GABRB2: variants seen among roughly 807,000 people sequenced by gnomAD.
GABRB2 encodes gamma-aminobutyric acid type A receptor subunit beta2.
GABRB2 carries 16 observed loss-of-function variants against 54.7 expected under a neutral mutation model. The observed-to-expected ratio is 0.29, with a 90% CI of 0.20 to 0.44. The LOEUF (loss-of-function observed/expected upper bound fraction) is 0.44, where lower values mean the gene tolerates loss of function less well. Among genes scored for constraint, GABRB2 ranks in the 20% least tolerant of loss-of-function variants. The pLI, the probability that GABRB2 is intolerant of heterozygous loss-of-function variation, is 1.00. For synonymous variants in GABRB2, 244 were observed against 233.8 expected (o/e 1.04, Z -0.40); for missense variants, 355 against 644.0 (o/e 0.55, Z 4.86).
At chr5:161,485,675 C>G (rs78442639) in intron 3 of GABRB2, among the ~76,000 whole-genome samples, 4,785 of 151,942 alleles carry the variant, frequency 0.031, 215 homozygotes, top group African/African-American at 0.098. Context: ...ACTGACCTAC[C>G]CCTTCTAAGG....
chr5:161,298,408 G>A (rs1757443641), intron 9 of GABRB2, among the ~76,000 whole-genome samples: 1 of 152,128 alleles, frequency 6.6e-6, no homozygotes. Flanking sequence ...ACTTCTTGAT[G>A]AAGAGAGACA....
chr5:161,294,029 A>T lies in GABRB2; in HGVS notation c.*52T>A. Reference sequence around the variant, plus strand: ...TTTTCCAAGTCCTACATCAGGCTGTACAACTGGTTTGAGGAGGAATCTAGT... The same window carrying T: ...TTTTCCAAGTCCTACATCAGGCTGTTCAACTGGTTTGAGGAGGAATCTAGT... On this transcript the variant is annotated 3_prime_UTR_variant, in exon 10 of 10. Coordinates refer to ENST00000393959, the MANE Select transcript of GABRB2 (RefSeq NM_001371727.1). 1 of 1,382,268 alleles carries T rather than the reference A, an allele frequency of 7.2e-7. No individual in the cohort carries two copies. The highest frequency in any genetic ancestry group is 1.0e-6 in the Non-Finnish European group (1 of 984,970). 85.6% of individuals were successfully genotyped at this position (1,382,268 alleles called of 1,614,324 possible).
At chr5:161,310,019 G>A (rs897521580) in intron 9 of GABRB2, among the ~76,000 whole-genome samples, 2 of 152,184 alleles carry the variant, frequency 1.3e-5, no homozygotes, top group African/African-American at 4.8e-5. Context: ...GCAGGGACAT[G>A]GATGGAGCTG....
chr5:161,422,827 G>A (rs568212936), intron 4 of GABRB2, among the ~76,000 whole-genome samples: 22 of 152,206 alleles, frequency 1.4e-4, no homozygotes, highest in African/African-American at 2.6e-4. Flanking sequence ...AAATGTAGGC[G>A]CTTCCATAAA....
At chr5:161,478,870 T>C (rs1338644431) in intron 3 of GABRB2, among the ~76,000 whole-genome samples, 1 of 152,080 alleles carries the variant, frequency 6.6e-6, no homozygotes, top group Admixed American at 6.6e-5. Context: ...TAGATCCTTT[T>C]CAATATTTTA....
chr5:161,383,191 T>A (rs1402819837), intron 5 of GABRB2, among the ~76,000 whole-genome samples: 2 of 152,186 alleles, frequency 1.3e-5, no homozygotes, highest in Non-Finnish European at 2.9e-5. Flanking sequence ...CTAACCATGC[T>A]GTACATTAGG....
At chr5:161,411,816 A>T (rs1167490890) in intron 4 of GABRB2, among the ~76,000 whole-genome samples, 4 of 150,234 alleles carry the variant, frequency 2.7e-5, no homozygotes, top group East Asian at 3.9e-4. Flanking sequence ...TTTAGAGTTT[A>T]TATATATATA....
chr5:161,323,809 GTA>G (rs1265037587), intron 9 of GABRB2, among the ~76,000 whole-genome samples: 1 of 152,096 alleles, frequency 6.6e-6, no homozygotes, highest in African/African-American at 2.4e-5. Context: ...GTGTTTATAT[GTA>G]TATGTGTGTA....
At chr5:161,531,164 C>T (rs1158394003) in intron 3 of GABRB2, among the ~76,000 whole-genome samples, 1 of 152,120 alleles carries the variant, frequency 6.6e-6, no homozygotes, top group Non-Finnish European at 1.5e-5. Context: ...TTAGATTTTA[C>T]AACCTAAAAA....
At chr5:161,381,946 CAT>C (rs1755482559) in intron 5 of GABRB2, among the ~76,000 whole-genome samples, 1 of 152,110 alleles carries the variant, frequency 6.6e-6, no homozygotes, top group East Asian at 1.9e-4. Flanking sequence ...AATTTCAACA[CAT>C]ATAACCCATT....
In GABRB2 at chr5:161,326,423, G is replaced by A; in HGVS notation, c.1136C>T (p.Thr379Ile). 6.2e-7 allele frequency: 1 copy of A among 1,613,692 alleles called. No individual in the cohort carries two copies. Among genetic ancestry groups the A allele is most frequent in the Non-Finnish European group, 8.5e-7 (1 of 1,179,690 alleles). The change falls in exon 9 of 10, where the codon ACT (threonine) becomes ATT (isoleucine). Residue 379 changes from threonine (T) to isoleucine (I), a missense_variant. Thr to Ile is a moderately conservative substitution (Grantham distance 89, BLOSUM62 -1). Around this residue, in one of 6 missense-constraint regions of GABRB2, gnomAD observed 201 missense variants for 228.1 expected, o/e 0.88. Transcript: ENST00000393959. ...GTQYRSLWDP[T>I]GNLSPTRRTT... ...CCGTCTAGTTGGGGAGAGGTTTCCA[G>A]TAGGGTCCCACAAGGATCGATATTG... is the stretch of plus-strand genomic sequence containing the variant.
At chr5:161,449,614 G>A (rs1355922353) in intron 4 of GABRB2, among the ~76,000 whole-genome samples, 1 of 152,112 alleles carries the variant, frequency 6.6e-6, no homozygotes, top group Non-Finnish European at 1.5e-5. Flanking sequence ...ATTATTTCAA[G>A]GCTTGAAACA....
intron 4 of GABRB2, among the ~76,000 whole-genome samples, chr5:161,457,026 G>A (rs1757974724): frequency 2.0e-5 from 3 of 152,192 alleles, no homozygotes; most frequent in Admixed American, 2.0e-4. Flanking sequence ...TCCTTGAGTT[G>A]AGAAAGATCT....
chr5:161,386,651 A>G (rs573529421), intron 5 of GABRB2, among the ~76,000 whole-genome samples: 60 of 152,014 alleles, frequency 3.9e-4, no homozygotes, highest in African/African-American at 1.4e-3. Context: ...GATTCTACCC[A>G]TCCTCGCCCC....
chr5:161,494,497 C>T (rs191724549), intron 3 of GABRB2, among the ~76,000 whole-genome samples: 2 of 151,238 alleles, frequency 1.3e-5, no homozygotes, highest in East Asian at 3.9e-4. Context: ...TTTACACTCA[C>T]AATTTAAAAG....
chr5:161,403,279 A>G (rs1284486398), intron 5 of GABRB2, among the ~76,000 whole-genome samples: 1 of 152,128 alleles, frequency 6.6e-6, no homozygotes, highest in African/African-American at 2.4e-5. Context: ...GTGAGAGTGA[A>G]ATAATCTGAA....
chr5:161,437,639 G>A (rs1344909069), intron 4 of GABRB2, among the ~76,000 whole-genome samples: 1 of 152,068 alleles, frequency 6.6e-6, no homozygotes, highest in Non-Finnish European at 1.5e-5. Context: ...AGCATTTCTG[G>A]ACCTGCCCTG....
chr5:161,448,080 A>C (rs1757686600), intron 4 of GABRB2, among the ~76,000 whole-genome samples: 1 of 152,166 alleles, frequency 6.6e-6, no homozygotes, highest in South Asian at 2.1e-4. Context: ...TTGAAATTAA[A>C]ATGTACAGGT....
intron 4 of GABRB2, among the ~76,000 whole-genome samples, chr5:161,453,806 G>T (rs1006597200): frequency 1.1e-4 from 17 of 152,046 alleles, no homozygotes; most frequent in African/African-American, 4.1e-4. Flanking sequence ...GGAGGTCGGG[G>T]TGGGCAGATC....
Sources: gnomAD v4.1 joint callset for allele counts (sites outside exome capture counted in the v4.1 genomes callset) on GRCh38, gnomAD v4.1.1 for gene constraint, gnomAD v4.1.1 regional missense constraint, MANE v1.5 for transcripts, NCBI Gene and HGNC (gene_info 2026-07-23, HGNC 2026-07-21) for gene names.